Variants in LOXHD1 observed in about 807,000 individuals in gnomAD.
LOXHD1 encodes the protein lipoxygenase homology domain-containing protein 1.
A neutral mutation model predicts 248.2 loss-of-function variants in LOXHD1; 205 were observed. The ratio of observed to expected loss-of-function variants is 0.83; its 90% confidence interval spans 0.74 to 0.93. The LOEUF (loss-of-function observed/expected upper bound fraction) is 0.93, where lower values mean the gene tolerates loss of function less well. Ranked by LOEUF, LOXHD1 falls within the 40% of genes least tolerant of loss-of-function variation. The probability of loss-of-function intolerance (pLI) is 0.00; values close to 1 mark genes in which losing one functional copy is unlikely to be tolerated. For synonymous variants in LOXHD1, 1,113 were observed against 1,162.8 expected, an observed-to-expected ratio of 0.96 and a Z score of 0.87; for missense variants, 2,930 against 2,971.6, an observed-to-expected ratio of 0.99 and a Z score of 0.33.
At chr18:46,615,624 G>A (rs1256787212) in intron 5 of LOXHD1, among the ~76,000 whole-genome samples, 1 of 152,024 alleles carries the variant, frequency 6.6e-6, no homozygotes, top group African/African-American at 2.4e-5. Flanking sequence ...TTGTGATTTT[G>A]TATATGTTCA....
At chr18:46,624,665 C>T (rs906606010) in intron 4 of LOXHD1, among the ~76,000 whole-genome samples, 2 of 152,158 alleles carry the variant, frequency 1.3e-5, no homozygotes, top group Non-Finnish European at 2.9e-5. Context: ...TCCAACCCAC[C>T]CTCCCATCAT....
intron 26 of LOXHD1, among the ~76,000 whole-genome samples, chr18:46,537,635 A>G (rs1568154934): frequency 6.6e-6 from 1 of 152,228 alleles, no homozygotes; most frequent in African/African-American, 2.4e-5. Flanking sequence ...CATGCACAGT[A>G]AACACTGAAC....
intron 32 of LOXHD1, 75 bp from the exon 33 acceptor site, chr18:46,521,357 C>T: frequency 6.7e-7 from 1 of 1,493,934 alleles, no homozygotes. Context: ...CAGCCCCCTC[C>T]CTCAGTGCTT....
intron 29 of LOXHD1, among the ~76,000 whole-genome samples, chr18:46,528,974 A>G (rs923469741): frequency 1.1e-4 from 16 of 151,892 alleles, no homozygotes; most frequent in Non-Finnish European, 1.8e-4. Flanking sequence ...CTCATCCCCT[A>G]TGCAGGATCC....
At chr18:46,510,024 A>C (rs1277747692) in intron 34 of LOXHD1, among the ~76,000 whole-genome samples, 2 of 152,170 alleles carry the variant, frequency 1.3e-5, no homozygotes, top group Admixed American at 1.3e-4. Context: ...GGCTAGTAGA[A>C]ATGGCCCCGA....
chr18:46,577,173 C>T (rs1192023650), intron 14 of LOXHD1, among the ~76,000 whole-genome samples: 17 of 152,160 alleles, frequency 1.1e-4, no homozygotes, highest in Admixed American at 1.1e-3. Context: ...ATTGCTCATT[C>T]TAAAATCTCT....
rs570423915 is a variant in LOXHD1 at position 46,655,462 on chromosome 18, G to A, written c.130+1442C>T. On this transcript the variant is annotated intron_variant, in intron 1 of 40. Transcript: ENST00000642948. ...CTAGAATGATCTCACCAACAGTCAC[G>A]TGGCTGGGGAGAATCACCTGGGAAG... is the stretch of plus-strand genomic sequence containing the variant. Among the ~76,000 whole-genome samples, 14 of 152,356 alleles carry A rather than the reference G, an allele frequency of 9.2e-5. No homozygotes were observed. The East Asian group carries it at 1.9e-3, about 21-fold the overall frequency.
At chr18:46,560,048 T>TGCCTGGG in intron 19 of LOXHD1, 35 bp downstream of exon 19, 1 of 1,226,298 alleles carries the variant, frequency 8.2e-7, no homozygotes, top group Non-Finnish European at 1.1e-6. Context: ...GTCTGGCCAC[T>TGCCTGGG]CCCTCCCCAC....
chr18:46,644,999 C>T (rs2039011034), intron 2 of LOXHD1, among the ~76,000 whole-genome samples: 1 of 152,162 alleles, frequency 6.6e-6, no homozygotes, highest in African/African-American at 2.4e-5. Context: ...AGATGGACAC[C>T]AATCTCTTTT....
chr18:46,488,908 G>A (rs558573514), intron 38 of LOXHD1, 64 bp downstream of exon 38: 14 of 1,502,936 alleles, frequency 9.3e-6, no homozygotes, highest in South Asian at 6.3e-5. Context: ...CAGCTGGAAC[G>A]GTGTCTTCTT....
intron 7 of LOXHD1, among the ~76,000 whole-genome samples, chr18:46,603,751 C>T (rs2038373331): frequency 6.6e-6 from 1 of 152,166 alleles, no homozygotes; most frequent in Non-Finnish European, 1.5e-5. Context: ...GGTCAGGTAC[C>T]TACCTAGAAG....
At position 46,592,582 on chromosome 18, in the gene LOXHD1, A is replaced by C; in HGVS notation, c.1434T>G (p.Ile478Met). Residue 478 changes from isoleucine to methionine, a missense_variant and splice_region_variant, in exon 11 of 41, where the codon ATT becomes ATG. By Grantham distance (10) the Ile-to-Met change is conservative (BLOSUM62 1). Transcript: ENST00000642948. ...FKPGIIEKFR[I>M]ELPDLGRFYK... ...AAAACCTGCCAAGATCCGGGAGCTC[A>C]ATCTATGGTGAGAAATAAAAACATT... 1 of 1,551,188 alleles carries C rather than the reference A, an allele frequency of 6.4e-7. No individual in the cohort carries two copies. Among genetic ancestry groups the C allele is most frequent in the Non-Finnish European group, 8.7e-7 (1 of 1,146,532 alleles).
intron 37 of LOXHD1, among the ~76,000 whole-genome samples, chr18:46,492,716 C>G (rs1403571259): frequency 6.6e-6 from 1 of 152,128 alleles, no homozygotes; most frequent in East Asian, 1.9e-4. Flanking sequence ...TTTTTTTACA[C>G]AAAAGTAACA....
At chr18:46,618,326 A>T (rs1382130348) in intron 4 of LOXHD1, 36 bp from the exon 5 acceptor site, 1 of 1,425,986 alleles carries the variant, frequency 7.0e-7, no homozygotes, top group African/African-American at 1.7e-5. Flanking sequence ...TTAGCTCATC[A>T]GGATCCTGAA....
At chr18:46,493,314 C>G (rs1177833877) in intron 37 of LOXHD1, among the ~76,000 whole-genome samples, 1 of 152,216 alleles carries the variant, frequency 6.6e-6, no homozygotes, top group Admixed American at 6.5e-5. Flanking sequence ...TTTGCAGAAG[C>G]TTCCTAATCC....
At chr18:46,626,708 A>C (rs2038747560) in intron 4 of LOXHD1, among the ~76,000 whole-genome samples, 1 of 152,192 alleles carries the variant, frequency 6.6e-6, no homozygotes, top group African/African-American at 2.4e-5. Flanking sequence ...AAATTCACCA[A>C]AATGTTAACA....
At position 46,601,330 on chromosome 18, in the gene LOXHD1, G is replaced by A. The variant is rs931911802; in HGVS notation, c.1021C>T (p.Arg341Ter). The change falls in exon 8 of 41, where the codon CGA becomes TGA. Residue 341 changes from arginine to a stop codon, truncating the protein, a stop_gained. Coordinates refer to ENST00000642948, the MANE Select transcript of LOXHD1 (RefSeq NM_001384474.1). LOFTEE classifies it high-confidence loss of function. The stretch of plus-strand genomic sequence containing the variant: ...ATGTGGAAGATGTCCGTGCGGCCTC[G>A]GTCAAACACGCCGCCCTCCAGGAAG... ...KIFLEGGVFD[R>*]GRTDIFHIEL... 3.2e-6 allele frequency: 5 copies of A among 1,551,484 alleles called. No homozygotes were observed. The African/African-American group carries it at 4.1e-5, about 13-fold the overall frequency.
chr18:46,629,792 T>TA (rs774591794), intron 4 of LOXHD1, among the ~76,000 whole-genome samples: 8,591 of 126,646 alleles, frequency 0.068, 313 homozygotes, highest in Middle Eastern at 0.1. Flanking sequence ...CACTGGGCAT[T>TA]AAAAAAAAAA....
intron 21 of LOXHD1, among the ~76,000 whole-genome samples, chr18:46,551,465 C>T (rs2037103683): frequency 6.6e-6 from 1 of 152,242 alleles, no homozygotes; most frequent in African/African-American, 2.4e-5. Flanking sequence ...TTTATTCTAG[C>T]ATTCTTTTGC....
Sources: allele counts gnomAD v4.1 joint callset (sites outside exome capture counted in the v4.1 genomes callset), GRCh38; gene constraint gnomAD v4.1.1; transcripts MANE v1.5; gene names NCBI Gene and HGNC (gene_info 2026-07-23, HGNC 2026-07-21).